The following RIMS3 variants were observed in gnomAD, a reference collection of about 807,000 sequenced individuals.
RIMS3 encodes the protein regulating synaptic membrane exocytosis 3, also known as regulating synaptic membrane exocytosis protein 3.
RIMS3 carries 15 observed loss-of-function variants against 29.2 expected under a neutral mutation model. That is an observed-to-expected ratio of 0.51 (90% CI 0.34 to 0.79). RIMS3 has a LOEUF of 0.79. RIMS3 is among the 30% of genes least tolerant of loss of function. The pLI, the probability that RIMS3 is intolerant of heterozygous loss-of-function variation, is 0.01. For missense variants in RIMS3, 342 were observed against 421.4 expected (o/e 0.81, Z 1.65); for synonymous variants, 161 against 170.1 (o/e 0.95, Z 0.41).
chr1:40,651,654 C>T (rs1197555262), intron 1 of RIMS3, among the ~76,000 whole-genome samples: 1 of 152,214 alleles, frequency 6.6e-6, no homozygotes, highest in East Asian at 1.9e-4. Context: ...TCACCCTGAA[C>T]CCCTAGTACC....
At chr1:40,691,690 A>G in the RIMS3 span, 1 of 451,530 alleles carries the variant, frequency 2.2e-6, no homozygotes, top group Non-Finnish European at 4.5e-6. Flanking sequence ...GGGGAAGGGA[A>G]AAGGGGAAAC....
In RIMS3 at chr1:40,654,103, C is replaced by G. The variant is rs61280821; in HGVS notation, c.-206-6261G>C. Among the ~76,000 whole-genome samples the G allele has an allele frequency of 6.6e-6, 1 of 150,982 alleles. No homozygotes were observed. The highest frequency in any genetic ancestry group is 1.5e-5 in the Non-Finnish European group (1 of 67,710). ...GTACCACGGACAGCGGCTGGCGACT[C>G]GCTCCCAGTCCCTCCCCCGCCTGCC... On this transcript the variant is annotated intron_variant, in intron 1 of 7. Coordinates refer to ENST00000372684, the MANE Select transcript of RIMS3 (RefSeq NM_014747.3). This position sits in a 1 kb window ranked among gnomAD's most constrained non-coding sequence, Gnocchi z 5.3.
intron 3 of RIMS3, among the ~76,000 whole-genome samples, chr1:40,640,657 G>C (rs2148349709): frequency 6.6e-6 from 1 of 152,366 alleles, no homozygotes; most frequent in East Asian, 1.9e-4. Context: ...CACAAAGTGA[G>C]GAGGTCTTGG....
chr1:40,671,087 A>G, the RIMS3 span, among the ~76,000 whole-genome samples: 1 of 152,126 alleles, frequency 6.6e-6, no homozygotes, highest in Non-Finnish European at 1.5e-5. Flanking sequence ...AGGGAGGCAG[A>G]GGGAAATTGG....
At chr1:40,662,876 G>A (rs757209894) in intron 1 of RIMS3, among the ~76,000 whole-genome samples, 2 of 152,196 alleles carry the variant, frequency 1.3e-5, no homozygotes, top group South Asian at 4.1e-4. Flanking sequence ...GTGGTAACAG[G>A]TTGGAAGCGG....
At chr1:40,637,590 T>C (rs1199798627) in intron 3 of RIMS3, among the ~76,000 whole-genome samples, 2 of 152,092 alleles carry the variant, frequency 1.3e-5, no homozygotes, top group Non-Finnish European at 2.9e-5. Context: ...ATCACATATA[T>C]GAATACAGTA....
chr1:40,633,932 T>C (rs1482093620), intron 4 of RIMS3, among the ~76,000 whole-genome samples: 1 of 152,158 alleles, frequency 6.6e-6, no homozygotes. Context: ...GGGTTTTATA[T>C]GTTGAGGATT....
rs1642235407 is a variant in RIMS3 at position 40,654,067 on chromosome 1, G to A, written c.-206-6225C>T. 6.6e-6 allele frequency among the ~76,000 whole-genome samples: 1 copy of A among 151,834 alleles called. No homozygotes were observed. Among genetic ancestry groups the A allele is most frequent in the South Asian group, 2.1e-4 (1 of 4,814 alleles). ...TCCCCCTCCCACACCCTCGCTGGGG[G>A]AGACACGGCAGTACCACGGACAGCG... On this transcript the variant is annotated intron_variant, in intron 1 of 7. Transcript: ENST00000372684. This position sits in a 1 kb window ranked among gnomAD's most constrained non-coding sequence, Gnocchi z 5.3.
chr1:40,639,438 G>A (rs1017555673), intron 3 of RIMS3, among the ~76,000 whole-genome samples: 1 of 152,230 alleles, frequency 6.6e-6, no homozygotes, highest in African/African-American at 2.4e-5. Flanking sequence ...GAGCAGAGGT[G>A]TGGAGGCTGA....
chr1:40,683,466 T>G, the RIMS3 span, among the ~76,000 whole-genome samples: 9 of 152,234 alleles, frequency 5.9e-5, no homozygotes, highest in African/African-American at 2.2e-4. Flanking sequence ...CCTCACCATG[T>G]GATATCTTCT....
In RIMS3 at chr1:40,623,351, T is replaced by C. The variant is rs1646434063; in HGVS notation, c.*3166A>G. 3 of 398,484 alleles carry C rather than the reference T, an allele frequency of 7.5e-6. No individual in the cohort carries two copies. Among genetic ancestry groups the C allele is most frequent in the Non-Finnish European group, 8.8e-6 (2 of 226,028 alleles). The allele number at this position is 398,484 out of a possible 1,614,324, so 24.7% of individuals were successfully genotyped here. On this transcript the variant is annotated 3_prime_UTR_variant, in exon 8 of 8. Coordinates refer to ENST00000372684, the MANE Select transcript of RIMS3 (RefSeq NM_014747.3). ...GAGCCTTTTTCATACCAAAAACCCA[T>C]TGCAGGGAAAAGGAGTCTATGAAGA...
intron 3 of RIMS3, among the ~76,000 whole-genome samples, chr1:40,639,272 C>T (rs1646540713): frequency 1.3e-5 from 2 of 152,188 alleles, no homozygotes; most frequent in Non-Finnish European, 2.9e-5. Context: ...GAACAGTTTC[C>T]AGAGCCAATG....
intron 1 of RIMS3, among the ~76,000 whole-genome samples, chr1:40,664,053 C>A (rs953655243): frequency 6.6e-6 from 1 of 152,174 alleles, no homozygotes; most frequent in Non-Finnish European, 1.5e-5. Context: ...CAAGTTTAAC[C>A]AACTCTGGGC....
chr1:40,662,663 T>C (rs1169865674), intron 1 of RIMS3, among the ~76,000 whole-genome samples: 3 of 152,158 alleles, frequency 2.0e-5, no homozygotes, highest in Non-Finnish European at 4.4e-5. Flanking sequence ...GCTCAAGCTA[T>C]GAAAAGCCCA....
chr1:40,628,743 G>GA, intron 7 of RIMS3, 67 bp downstream of exon 7: 1 of 1,605,434 alleles, frequency 6.2e-7, no homozygotes, highest in Non-Finnish European at 8.5e-7. Flanking sequence ...AATCATAAAT[G>GA]AAAAACTTTA....
chr1:40,670,957 A>AT, the RIMS3 span, among the ~76,000 whole-genome samples: 4 of 152,218 alleles, frequency 2.6e-5, no homozygotes, highest in East Asian at 5.8e-4. Flanking sequence ...AGAAAGTAGC[A>AT]TTTTTTAAAT....
At chr1:40,627,955 G>C (rs1646465469) in intron 7 of RIMS3, among the ~76,000 whole-genome samples, 2 of 152,154 alleles carry the variant, frequency 1.3e-5, no homozygotes, top group Admixed American at 1.3e-4. Context: ...AACCATCTCA[G>C]CCCAGAGGAG....
At chr1:40,648,251 T>C (rs1646607957) in intron 1 of RIMS3, among the ~76,000 whole-genome samples, 1 of 152,208 alleles carries the variant, frequency 6.6e-6, no homozygotes, top group South Asian at 2.1e-4. Context: ...CCCAGCCATG[T>C]GATCCTGAGC....
intron 2 of RIMS3, among the ~76,000 whole-genome samples, chr1:40,645,434 A>G (rs1472678092): frequency 6.6e-6 from 1 of 152,206 alleles, no homozygotes; most frequent in Non-Finnish European, 1.5e-5. Context: ...ACTTGAACCC[A>G]GGTCTCCTGT....
Sources: allele counts gnomAD v4.1 joint callset (sites outside exome capture counted in the v4.1 genomes callset), GRCh38; gene constraint gnomAD v4.1.1; non-coding constraint Gnocchi (gnomAD v3.1); transcripts MANE v1.5; gene names NCBI Gene and HGNC (gene_info 2026-07-23, HGNC 2026-07-21).